DZIP1: variants seen among roughly 807,000 people sequenced by gnomAD.
DZIP1 encodes the protein cilium assembly protein DZIP1.
DZIP1 carries 97 observed loss-of-function variants against 107.6 expected under a neutral mutation model. The observed-to-expected ratio is 0.90, with a 90% confidence interval of 0.77 to 1.07. DZIP1 has a LOEUF of 1.07. Among genes scored for constraint, DZIP1 ranks in the 50% least tolerant of loss-of-function variants. The pLI is 0.00. For missense variants in DZIP1, 1,035 were observed against 1,063.6 expected, an observed-to-expected ratio of 0.97 and a Z score of 0.37; for synonymous variants, 390 against 386.4, an observed-to-expected ratio of 1.01 and a Z score of -0.11.
At chr13:95,630,745 C>CA in intron 6 of DZIP1, 1 of 1,281,066 alleles carries the variant, frequency 7.8e-7, no homozygotes, top group Non-Finnish European at 1.0e-6. Context: ...AATGGATGTA[C>CA]ATGTGTCTGT....
At chr13:95,637,736 G>A (rs1181488035) in intron 5 of DZIP1, among the ~76,000 whole-genome samples, 1 of 151,996 alleles carries the variant, frequency 6.6e-6, no homozygotes, top group African/African-American at 2.4e-5. Context: ...AACCATCCCT[G>A]TTGACACCTT....
rs760156646 is a variant in DZIP1, at chr13:95,641,593, T to C, written c.299A>G (p.Lys100Arg). 6.2e-6 allele frequency: 10 copies of C among 1,613,202 alleles called. No individual in the cohort carries two copies. The African/African-American group carries it at 1.3e-4, about 22-fold the overall frequency. Residue 100 changes from lysine (K) to arginine (R), a missense_variant, in exon 5 of 23, where the codon AAG (lysine) becomes AGG (arginine). Coordinates refer to ENST00000376829, the MANE Select transcript of DZIP1 (RefSeq NM_198968.4). This position sits in a 1 kb window ranked among gnomAD's most constrained non-coding sequence, Gnocchi z 4.3. ...GTGTGGGCACTTCTCGTCTTCCAGC[T>C]TGCAGAAGGTGATGTTCATGATGTT... ...QENIMNITFC[K>R]LEDEKCPHCQ...
chr13:95,586,056 T>C lies in DZIP1; in HGVS notation c.2299A>G (p.Thr767Ala). The change falls in exon 21 of 23, where the codon ACT becomes GCT. Residue 767 changes from threonine to alanine, a missense_variant. Physicochemically the swap from Thr to Ala is moderately conservative, Grantham distance 58. Coordinates refer to ENST00000376829, the MANE Select transcript of DZIP1 (RefSeq NM_198968.4). ...TTGATAAACATCTCAGGGACATTAG[T>C]TCCACCGACTGGTTTGTTCACATTT... ...RKNVNKPVGGTNVPEMFIKKE... is the reference protein window; with the variant it reads ...RKNVNKPVGGANVPEMFIKKE... 3 of 1,610,968 alleles carry C rather than the reference T, an allele frequency of 1.9e-6. No homozygotes were observed. Among genetic ancestry groups the C allele is most frequent in the East Asian group, 2.2e-5 (1 of 44,692 alleles).
intron 10 of DZIP1, among the ~76,000 whole-genome samples, chr13:95,616,005 G>A (rs895056673): frequency 2.0e-5 from 3 of 152,190 alleles, no homozygotes; most frequent in Non-Finnish European, 2.9e-5. Flanking sequence ...ACAGCTGAGA[G>A]CCGATATGAG....
intron 10 of DZIP1, among the ~76,000 whole-genome samples, chr13:95,618,371 G>A (rs1875409952): frequency 6.6e-6 from 1 of 152,128 alleles, no homozygotes; most frequent in African/African-American, 2.4e-5. Flanking sequence ...CTGTATATGT[G>A]TATATCTATA....
chr13:95,598,193 G>A (rs987377260), intron 15 of DZIP1, among the ~76,000 whole-genome samples: 1 of 152,084 alleles, frequency 6.6e-6, no homozygotes, highest in Non-Finnish European at 1.5e-5. Context: ...CAATTACAAA[G>A]AAATAAGGAG....
At chr13:95,589,116 ATTTT>A in intron 19 of DZIP1, 34 bp downstream of exon 19, 1 of 1,550,096 alleles carries the variant, frequency 6.5e-7, no homozygotes, top group East Asian at 2.3e-5. Flanking sequence ...AGTGAAAATA[ATTTT>A]TTAAATGACC....
At chr13:95,595,706 T>C (rs2044429778) in intron 15 of DZIP1, among the ~76,000 whole-genome samples, 2 of 151,742 alleles carry the variant, frequency 1.3e-5, no homozygotes, top group South Asian at 2.1e-4. Flanking sequence ...GTGCTACCAT[T>C]GAAATAGACA....
intron 16 of DZIP1, 37 bp downstream of exon 16, chr13:95,593,907 C>G: frequency 1.3e-6 from 2 of 1,575,518 alleles, no homozygotes; most frequent in Non-Finnish European, 1.7e-6. Flanking sequence ...CAAAACACAG[C>G]AAAACTAACA....
At position 95,578,268 on chromosome 13, in the gene DZIP1, A is replaced by C; in HGVS notation, c.*3966T>G. 3.5e-6 allele frequency: 1 copy of C among 282,776 alleles called. No individual in the cohort carries two copies. Among genetic ancestry groups the C allele is most frequent in the Non-Finnish European group, 6.6e-6 (1 of 150,954 alleles). The allele number at this position is 282,776 out of a possible 1,614,324, so 17.5% of individuals were successfully genotyped here. A position where few individuals can be genotyped will look rare whatever the true frequency, so the allele number is the denominator to read the frequency against. ...TAAAATGTTTTCTACATTTATATAG[A>C]ACATGAAAAGCATTTAGTACCAAAG... On this transcript the variant is annotated 3_prime_UTR_variant, in exon 23 of 23. Transcript: ENST00000376829.
chr13:95,617,255 T>G (rs927372049), intron 10 of DZIP1, among the ~76,000 whole-genome samples: 1 of 151,012 alleles, frequency 6.6e-6, no homozygotes, highest in Non-Finnish European at 1.5e-5. Flanking sequence ...AGCGGGAGAA[T>G]GAAAGCAAGA....
intron 9 of DZIP1, among the ~76,000 whole-genome samples, chr13:95,620,636 C>G (rs1875711164): frequency 6.6e-6 from 1 of 152,094 alleles, no homozygotes; most frequent in Admixed American, 6.5e-5. Context: ...GGACAACAGC[C>G]ATGGATAAGA....
At chr13:95,611,111 G>A (rs1328981457) in intron 12 of DZIP1, among the ~76,000 whole-genome samples, 5 of 152,164 alleles carry the variant, frequency 3.3e-5, no homozygotes, top group African/African-American at 7.2e-5. Context: ...CCAGTCTGTC[G>A]ACAGACCTTG....
chr13:95,636,722 A>G (rs1877871282), intron 5 of DZIP1, among the ~76,000 whole-genome samples: 1 of 152,164 alleles, frequency 6.6e-6, no homozygotes, highest in Non-Finnish European at 1.5e-5. Flanking sequence ...GAACTAATGG[A>G]CAAAATCAAT....
chr13:95,637,996 A>G (rs1338905706), intron 5 of DZIP1, among the ~76,000 whole-genome samples: 1 of 152,148 alleles, frequency 6.6e-6, no homozygotes, highest in Non-Finnish European at 1.5e-5. Flanking sequence ...GAATCGAGGA[A>G]GGGAAAATTA....
At chr13:95,629,355 G>A (rs888253282) in intron 7 of DZIP1, among the ~76,000 whole-genome samples, 2 of 152,154 alleles carry the variant, frequency 1.3e-5, no homozygotes, top group African/African-American at 2.4e-5. Flanking sequence ...TCATCACCCC[G>A]AGTATCTCTG....
chr13:95,614,937 A>G (rs898729594), intron 10 of DZIP1, among the ~76,000 whole-genome samples: 9 of 152,214 alleles, frequency 5.9e-5, no homozygotes, highest in Non-Finnish European at 1.0e-4. Context: ...TGGGAACAGC[A>G]GGCACCAATC....
At chr13:95,594,673 T>C (rs1213851425) in intron 15 of DZIP1, among the ~76,000 whole-genome samples, 2 of 152,100 alleles carry the variant, frequency 1.3e-5, no homozygotes, top group Non-Finnish European at 2.9e-5. Flanking sequence ...CAAAGTTTTT[T>C]AGTTACTAGA....
chr13:95,628,113 C>T (rs1876767879), intron 7 of DZIP1, among the ~76,000 whole-genome samples: 1 of 151,982 alleles, frequency 6.6e-6, no homozygotes, highest in Non-Finnish European at 1.5e-5. Flanking sequence ...GAACACAGCT[C>T]ACTGCAGCCT....
Sources: gnomAD v4.1 joint callset for allele counts (sites outside exome capture counted in the v4.1 genomes callset) on GRCh38, gnomAD v4.1.1 for gene constraint, Gnocchi (gnomAD v3.1) non-coding constraint, MANE v1.5 for transcripts, NCBI Gene and HGNC (gene_info 2026-07-23, HGNC 2026-07-21) for gene names.